The following THSD4 variants were observed in gnomAD, a reference collection of about 807,000 sequenced individuals.
The protein encoded by THSD4 is thrombospondin type-1 domain-containing protein 4.
A neutral mutation model predicts 119.0 loss-of-function variants in THSD4; 69 were observed. That is an observed-to-expected ratio of 0.58 (90% CI 0.48 to 0.71). The LOEUF (loss-of-function observed/expected upper bound fraction) is 0.71, where lower values mean the gene tolerates loss of function less well. Among genes scored for constraint, THSD4 ranks in the 30% least tolerant of loss-of-function variants. The pLI, the probability that THSD4 is intolerant of heterozygous loss-of-function variation, is 0.00. For synonymous variants in THSD4, 524 were observed against 540.4 expected, an observed-to-expected ratio of 0.97 and a Z score of 0.42; for missense variants, 1,393 against 1,391.1, an observed-to-expected ratio of 1.00 and a Z score of -0.02.
At chr15:71,608,247 T>TACACACAC (rs1331902315) in intron 7 of THSD4, among the ~76,000 whole-genome samples, 17 of 71,706 alleles carry the variant, frequency 2.4e-4, no homozygotes, top group Admixed American at 9.8e-4. Flanking sequence ...AATATATATA[T>TACACACAC]ATACACACAC....
chr15:71,716,656 C>T (rs28371949), intron 8 of THSD4, among the ~76,000 whole-genome samples: 53,909 of 149,974 alleles, frequency 0.36, 10,479 homozygotes, highest in African/African-American at 0.51. Flanking sequence ...TGGGGTGATG[C>T]CAGGCCAGCG....
At chr15:71,726,232 G>A (rs1398583025) in intron 8 of THSD4, among the ~76,000 whole-genome samples, 1 of 152,226 alleles carries the variant, frequency 6.6e-6, no homozygotes, top group Admixed American at 6.5e-5. Context: ...CCTCCCTGCA[G>A]CCATGGCACC....
chr15:71,317,937 G>A (rs1567193555), intron 6 of THSD4, among the ~76,000 whole-genome samples: 1 of 152,186 alleles, frequency 6.6e-6, no homozygotes, highest in Non-Finnish European at 1.5e-5. Flanking sequence ...TTTGGTCGGG[G>A]CTGAGTAAGT....
At chr15:71,551,915 G>C (rs2048937206) in intron 7 of THSD4, among the ~76,000 whole-genome samples, 1 of 152,218 alleles carries the variant, frequency 6.6e-6, no homozygotes, top group Admixed American at 6.5e-5. Context: ...TTCTGGGAAT[G>C]ATGGGAACCC....
chr15:71,229,205 C>T (rs2044042053), intron 4 of THSD4, among the ~76,000 whole-genome samples: 1 of 152,226 alleles, frequency 6.6e-6, no homozygotes, highest in African/African-American at 2.4e-5. Context: ...GTCTTTTAGA[C>T]TCAGTTTCCT....
intron 7 of THSD4, among the ~76,000 whole-genome samples, chr15:71,503,007 T>TCAGCA (rs751627479): frequency 3.0e-4 from 46 of 152,156 alleles, no homozygotes; most frequent in Non-Finnish European, 5.7e-4. Flanking sequence ...TAAATACAGT[T>TCAGCA]CAGCACAGCA....
At chr15:71,261,885 A>G (rs879528350) in intron 6 of THSD4, among the ~76,000 whole-genome samples, 1 of 152,196 alleles carries the variant, frequency 6.6e-6, no homozygotes, top group Non-Finnish European at 1.5e-5. Context: ...GAGGAAGCCT[A>G]TGGTCACTGA....
intron 4 of THSD4, among the ~76,000 whole-genome samples, chr15:71,233,070 C>A (rs998311392): frequency 6.6e-6 from 1 of 152,156 alleles, no homozygotes; most frequent in Non-Finnish European, 1.5e-5. Context: ...AAGAAGCTTC[C>A]GCCTCGGTAT....
chr15:71,529,431 A>G (rs766264280), intron 7 of THSD4, among the ~76,000 whole-genome samples: 8 of 152,212 alleles, frequency 5.3e-5, no homozygotes, highest in Non-Finnish European at 8.8e-5. Flanking sequence ...ATAATTACTT[A>G]TCTATTCAAA....
intron 7 of THSD4, among the ~76,000 whole-genome samples, chr15:71,437,312 C>T (rs535342959): frequency 6.0e-4 from 91 of 152,344 alleles, no homozygotes; most frequent in Admixed American, 1.4e-3. Context: ...CTGGGGATCA[C>T]GTTTCCAAAT....
At chr15:71,742,664 A>G (rs1595908938) in intron 11 of THSD4, among the ~76,000 whole-genome samples, 1 of 152,312 alleles carries the variant, frequency 6.6e-6, no homozygotes, top group Non-Finnish European at 1.5e-5. Context: ...TTGAATTGCA[A>G]TCTTGAACAA....
chr15:71,313,139 T>C (rs2140352103), intron 6 of THSD4, among the ~76,000 whole-genome samples: 1 of 152,364 alleles, frequency 6.6e-6, no homozygotes, highest in Non-Finnish European at 1.5e-5. Context: ...TTGATATCAG[T>C]ATGGACCCAT....
At chr15:71,458,195 T>C (rs2047366874) in intron 7 of THSD4, among the ~76,000 whole-genome samples, 1 of 152,160 alleles carries the variant, frequency 6.6e-6, no homozygotes, top group African/African-American at 2.4e-5. Flanking sequence ...TCACAGATAA[T>C]AAAACTGAAG....
intron 6 of THSD4, among the ~76,000 whole-genome samples, chr15:71,281,048 G>T (rs895928252): frequency 6.6e-6 from 1 of 152,160 alleles, no homozygotes; most frequent in Non-Finnish European, 1.5e-5. Context: ...CTATAGATAC[G>T]CCCCATGTCC....
chr15:71,660,178 A>C (rs533764955), intron 7 of THSD4, among the ~76,000 whole-genome samples: 1 of 152,196 alleles, frequency 6.6e-6, no homozygotes, highest in Non-Finnish European at 1.5e-5. Flanking sequence ...ATGATTCCAG[A>C]GAGATTCTTT....
Position 71,172,682 on chromosome 15 carries a change from CATATATATATATATATATATATAT to C in THSD4, c.99+17779_99+17802del, listed in dbSNP as rs71152331. ...AATACAGCATGAAAATAGACCTATA[CATATATATATATATATATATATAT>C]ATATATATATATATATATATATATA... On this transcript the variant is annotated intron_variant, in intron 3 of 17. Transcript: ENST00000261862. Among the ~76,000 whole-genome samples, 219 of 24,238 alleles carry C rather than the reference CATATATATATATATATATATATAT, an allele frequency of 9.0e-3. 12 individuals are homozygous for C. The highest frequency in any genetic ancestry group is 0.062 in the Middle Eastern group (1 of 16). The allele number at this position is 24,238 out of a possible 152,430, so 15.9% of individuals were successfully genotyped here.
At chr15:71,275,813 G>A (rs1475136315) in intron 6 of THSD4, among the ~76,000 whole-genome samples, 5 of 152,114 alleles carry the variant, frequency 3.3e-5, no homozygotes, top group Admixed American at 3.3e-4. Context: ...TCCTCCTTTT[G>A]CTTGGTGCAT....
At chr15:71,346,600 G>A (rs1035962403) in intron 6 of THSD4, among the ~76,000 whole-genome samples, 2 of 152,060 alleles carry the variant, frequency 1.3e-5, no homozygotes, top group African/African-American at 4.8e-5. Context: ...TCCTAGCCCT[G>A]GAATCAGCCA....
intron 6 of THSD4, among the ~76,000 whole-genome samples, chr15:71,290,795 A>T (rs190731757): frequency 5.4e-4 from 82 of 152,182 alleles, no homozygotes; most frequent in African/African-American, 2.0e-3. Flanking sequence ...GTTTGTCCCT[A>T]CTGCCAACTA....
Sources: gnomAD v4.1 joint callset for allele counts (sites outside exome capture counted in the v4.1 genomes callset) on GRCh38, gnomAD v4.1.1 for gene constraint, MANE v1.5 for transcripts, NCBI Gene and HGNC (gene_info 2026-07-23, HGNC 2026-07-21) for gene names.